RFC3: variants seen among roughly 807,000 people sequenced by gnomAD.
RFC3 encodes replication factor C subunit 3.
A neutral mutation model predicts 45.1 loss-of-function variants in RFC3; 41 were observed. The observed-to-expected ratio is 0.91, with a 90% CI of 0.71 to 1.18. The LOEUF is 1.18. Ranked by LOEUF, RFC3 falls within the 50% of genes most tolerant of loss-of-function variation. The pLI is 0.00. For missense variants in RFC3, 423 were observed against 428.1 expected (o/e 0.99, Z 0.10); for synonymous variants, 149 against 144.0 (o/e 1.03, Z -0.25).
chr13:33,885,865 A>G (rs1408451172), intron 8 of RFC3, among the ~76,000 whole-genome samples: 5 of 152,180 alleles, frequency 3.3e-5, no homozygotes, highest in African/African-American at 1.2e-4. Flanking sequence ...TTTTCCTTCT[A>G]GTAGACACTG....
chr13:33,865,209 T>A (rs926017327), intron 8 of RFC3, among the ~76,000 whole-genome samples: 2 of 152,106 alleles, frequency 1.3e-5, no homozygotes, highest in Non-Finnish European at 2.9e-5. Context: ...ATCCTCCCAA[T>A]TCAAAACACC....
chr13:33,838,889 G>T (rs1306850996), downstream of RFC3, among the ~76,000 whole-genome samples: 1 of 151,944 alleles, frequency 6.6e-6, no homozygotes, highest in Non-Finnish European at 1.5e-5. Context: ...TCCTCCTGAT[G>T]GTTTTTCTTT....
intron 8 of RFC3, among the ~76,000 whole-genome samples, chr13:33,845,459 C>T (rs1039553423): frequency 4.6e-5 from 7 of 152,002 alleles, no homozygotes; most frequent in Admixed American, 4.6e-4. Flanking sequence ...ATGCTTCATT[C>T]TTTTTTATTC....
At chr13:33,941,041 C>T (rs2082920823) in intron 8 of RFC3, among the ~76,000 whole-genome samples, 1 of 152,172 alleles carries the variant, frequency 6.6e-6, no homozygotes, top group Admixed American at 6.5e-5. Context: ...GGAAACCTGC[C>T]CAGGGTTTTG....
downstream of RFC3, among the ~76,000 whole-genome samples, chr13:33,839,860 A>T (rs1436000884): frequency 6.6e-6 from 1 of 152,228 alleles, no homozygotes; most frequent in Non-Finnish European, 1.5e-5. Flanking sequence ...AGCATTTTCA[A>T]TGGACAAAAT....
chr13:33,944,590 C>A (rs909394723), intron 8 of RFC3, among the ~76,000 whole-genome samples: 1 of 152,002 alleles, frequency 6.6e-6, no homozygotes, highest in African/African-American at 2.4e-5. Flanking sequence ...GAAAATCTTT[C>A]AACACAAGAA....
chr13:33,912,558 G>A (rs1221358426), intron 8 of RFC3, among the ~76,000 whole-genome samples: 1 of 152,092 alleles, frequency 6.6e-6, no homozygotes, highest in Non-Finnish European at 1.5e-5. Flanking sequence ...GCAAGAGGCT[G>A]TAACTGAGGA....
At chr13:33,910,907 A>G (rs977565620) in intron 8 of RFC3, among the ~76,000 whole-genome samples, 1 of 151,884 alleles carries the variant, frequency 6.6e-6, no homozygotes, top group African/African-American at 2.4e-5. Context: ...GGTGCCACAC[A>G]CTTTTAAACA....
At position 33,836,360 on chromosome 13, in the gene RFC3, G is replaced by A. The variant is rs9570340; in HGVS notation, c.*65G>A. On this transcript the variant is annotated 3_prime_UTR_variant, in exon 9 of 9. Coordinates refer to ENST00000380071, the MANE Select transcript of RFC3 (RefSeq NM_002915.4). The stretch of plus-strand genomic sequence containing the variant: ...TATTTACATACAGCTTATATTAAAA[G>A]AGCTGTGGGTAAATTAACTGAACTT... The A allele has an allele frequency of 3.8e-6, 6 of 1,558,594 alleles. No individual in the cohort carries two copies. The highest frequency in any genetic ancestry group is 5.2e-6 in the Non-Finnish European group (6 of 1,148,812).
rs760034304 is a variant in RFC3, at chr13:33,818,203, C to G, written c.25C>G (p.Arg9Gly). 11 of 1,613,612 alleles carry G rather than the reference C, an allele frequency of 6.8e-6. No individual in the cohort carries two copies. The South Asian group carries it at 1.2e-4, about 18-fold the overall frequency. The stretch of plus-strand genomic sequence containing the variant: ...CATGAGCCTCTGGGTGGACAAGTAT[C>G]GGCCCTGCTCCTTGGGACGGCTGGA... MSLWVDKYRPCSLGRLDYH... is the reference protein window; with the variant it reads MSLWVDKYGPCSLGRLDYH... Residue 9 changes from arginine (R) to glycine (G), a missense_variant, in exon 1 of 9, where the codon CGG (arginine) becomes GGG (glycine). Physicochemically the swap from Arg to Gly is moderately radical, Grantham distance 125. Coordinates refer to ENST00000380071, the MANE Select transcript of RFC3 (RefSeq NM_002915.4).
the RFC3 span, among the ~76,000 whole-genome samples, chr13:33,973,140 CTG>C: frequency 1.1e-4 from 17 of 151,266 alleles, no homozygotes; most frequent in East Asian, 2.1e-3. Flanking sequence ...ATATTGCAGA[CTG>C]TGTGTGTGTG....
At chr13:33,937,016 T>A (rs897517276) in intron 8 of RFC3, among the ~76,000 whole-genome samples, 23 of 152,314 alleles carry the variant, frequency 1.5e-4, no homozygotes, top group African/African-American at 5.5e-4. Context: ...GATGACTATG[T>A]TAATTATCTT....
chr13:33,844,906 A>G (rs1408848988), intron 8 of RFC3, among the ~76,000 whole-genome samples: 1 of 152,062 alleles, frequency 6.6e-6, no homozygotes, highest in African/African-American at 2.4e-5. Context: ...CTTGTTTCTC[A>G]TTAACATTCT....
At chr13:33,930,982 TAG>T in intron 8 of RFC3, among the ~76,000 whole-genome samples, 1 of 152,102 alleles carries the variant, frequency 6.6e-6, no homozygotes, top group African/African-American at 2.4e-5. Flanking sequence ...CCCTTTTTCT[TAG>T]AGTTTTTTTT....
chr13:33,835,204 A>G lies in RFC3; in HGVS notation c.866A>G (p.Glu289Gly), dbSNP rs1210462127. 6.2e-7 allele frequency: 1 copy of G among 1,608,188 alleles called. No individual in the cohort carries two copies. Among genetic ancestry groups the G allele is most frequent in the East Asian group, 2.2e-5 (1 of 44,826 alleles). Residue 289 changes from glutamate to glycine, a missense_variant, in exon 8 of 9, where the codon GAG (glutamate) becomes GGG (glycine). By Grantham distance (98) the Glu-to-Gly change is moderately conservative (BLOSUM62 -2). Coordinates refer to ENST00000380071, the MANE Select transcript of RFC3 (RefSeq NM_002915.4). ...YELLTHCIPPEIIMKGLLSEL... is the reference protein window; with the variant it reads ...YELLTHCIPPGIIMKGLLSEL... Reference sequence around the variant, plus strand: ...CTTCTAACTCATTGTATTCCTCCTGAGATAATAATGAAGGTAACCCAATTT... The same window carrying G: ...CTTCTAACTCATTGTATTCCTCCTGGGATAATAATGAAGGTAACCCAATTT...
chr13:33,951,454 A>G (rs192136367), intron 8 of RFC3, among the ~76,000 whole-genome samples: 230 of 152,124 alleles, frequency 1.5e-3, no homozygotes, highest in African/African-American at 5.4e-3. Flanking sequence ...GATGGTCTCC[A>G]TCTCTGGACC....
chr13:33,902,403 C>A (rs1033821052), intron 8 of RFC3, among the ~76,000 whole-genome samples: 6 of 152,004 alleles, frequency 3.9e-5, no homozygotes, highest in Admixed American at 3.3e-4. Context: ...GGATTAGCAT[C>A]TGAAGGACCA....
At chr13:33,933,835 G>A (rs1389501660) in intron 8 of RFC3, among the ~76,000 whole-genome samples, 6 of 151,872 alleles carry the variant, frequency 4.0e-5, no homozygotes, top group Non-Finnish European at 8.8e-5. Flanking sequence ...TTAAAATTTG[G>A]GGTTTTAAAG....
At chr13:33,846,828 ACT>A (rs1228612874) in intron 8 of RFC3, 1 of 152,136 alleles carries the variant, frequency 6.6e-6, no homozygotes, top group Non-Finnish European at 1.5e-5. Flanking sequence ...TGGTCTAAAT[ACT>A]CTCTCTGTGG....
Sources: gnomAD v4.1 joint callset for allele counts (sites outside exome capture counted in the v4.1 genomes callset) on GRCh38, gnomAD v4.1.1 for gene constraint, MANE v1.5 for transcripts, NCBI Gene and HGNC (gene_info 2026-07-23, HGNC 2026-07-21) for gene names.